Variants in SCAF1 observed in about 807,000 individuals in gnomAD.
SCAF1 encodes the protein SR-related CTD associated factor 1.
A neutral mutation model predicts 91.2 loss-of-function variants in SCAF1; 28 were observed. That is an observed-to-expected ratio of 0.31 (90% confidence interval 0.23 to 0.42). The LOEUF (loss-of-function observed/expected upper bound fraction) is 0.42, where lower values mean the gene tolerates loss of function less well. Ranked by LOEUF, SCAF1 falls within the 10% of genes least tolerant of loss-of-function variation. The pLI, the probability that SCAF1 is intolerant of heterozygous loss-of-function variation, is 1.00. For missense variants in SCAF1, 1,893 were observed against 1,872.1 expected (o/e 1.01, Z -0.21); for synonymous variants, 1,036 against 833.7 (o/e 1.24, Z -4.18).
In SCAF1 at chr19:49,652,584, A is replaced by G; in HGVS notation, c.2195A>G (p.Tyr732Cys). 1 of 1,569,556 alleles carries G rather than the reference A, an allele frequency of 6.4e-7. No individual in the cohort carries two copies. The highest frequency in any genetic ancestry group is 2.4e-5 in the East Asian group (1 of 42,282). Residue 732 changes from tyrosine (Y) to cysteine (C), a missense_variant, in exon 7 of 11, where the codon TAC (tyrosine) becomes TGC (cysteine). By Grantham distance (194) the Tyr-to-Cys change is radical (BLOSUM62 -2). Around this residue, in one of 5 missense-constraint regions of SCAF1, gnomAD observed 1,436 missense variants for 1,306.8 expected, o/e 1.10. Transcript: ENST00000360565. Reference protein sequence around the residue: ...PASSPKREVLYDSEGLSGEER... With the variant: ...PASSPKREVLCDSEGLSGEER... The stretch of plus-strand genomic sequence containing the variant: ...TCCTCACCTAAGCGGGAGGTCCTGT[A>G]CGACTCCGAGGGACTGAGCGGCGAG...
chr19:49,651,666 C>G lies in SCAF1; in HGVS notation c.1277C>G (p.Thr426Ser), dbSNP rs1040199396. The G allele has an allele frequency of 7.1e-7, 1 of 1,417,618 alleles. No homozygotes were observed. Among genetic ancestry groups the G allele is most frequent in the Non-Finnish European group, 9.1e-7 (1 of 1,095,920 alleles). 87.8% of individuals were successfully genotyped at this position (1,417,618 alleles called of 1,614,324 possible). The change falls in exon 7 of 11, where the codon ACC becomes AGC. Residue 426 changes from threonine to serine, a missense_variant. Around this residue, in one of 5 missense-constraint regions of SCAF1, gnomAD observed 1,436 missense variants for 1,306.8 expected, o/e 1.10. Coordinates refer to ENST00000360565, the MANE Select transcript of SCAF1 (RefSeq NM_021228.3). ...CGGCCTACACCGGCCGCCTCGGCCA[C>G]CCCCACGGCCCAGCCCCTTCCTCAG... is the stretch of plus-strand genomic sequence containing the variant. Reference protein sequence around the residue: ...AARPTPAASATPTAQPLPQPP... With the variant: ...AARPTPAASASPTAQPLPQPP...
chr19:49,657,614 G>A (rs911769403), intron 9 of SCAF1, 147 bp from the exon 10 acceptor site: 11 of 995,962 alleles, frequency 1.1e-5, no homozygotes, highest in Non-Finnish European at 1.4e-5. Context: ...GAGGGCGCAT[G>A]GGACAGACCC....
At position 49,652,288 on chromosome 19, in the gene SCAF1, A is replaced by G. The variant is rs918048262; in HGVS notation, c.1899A>G (p.Lys633=). ...SSSRRERHRG[K]HRDGGGSKKK... Reference sequence around the variant, plus strand: ...CGAGGCGCGAGCGGCACCGCGGGAAACACCGGGACGGTGGCGGCAGCAAGA... The same window carrying G: ...CGAGGCGCGAGCGGCACCGCGGGAAGCACCGGGACGGTGGCGGCAGCAAGA... Residue 633 remains lysine, a synonymous_variant, in exon 7 of 11, where the codon AAA becomes AAG. Transcript: ENST00000360565. The G allele has an allele frequency of 1.1e-5, 16 of 1,514,948 alleles. No homozygotes were observed. In the African/African-American group the frequency reaches 2.3e-4, roughly 21 times the overall value. The allele number at this position is 1,514,948 out of a possible 1,614,324, so 93.8% of individuals were successfully genotyped here. A position where few individuals can be genotyped will look rare whatever the true frequency, so the allele number is the denominator to read the frequency against.
rs1394759878 is a variant in SCAF1, at chr19:49,646,623, G to C, written c.359G>C (p.Gly120Ala). Reference protein sequence around the residue: ...WVPSRLDLRPGESEDMLELVA... With the variant: ...WVPSRLDLRPAESEDMLELVA... ...CCCAGCCGCCTGGACCTGCGGCCTGGCGAGTGAGTAGCTGGGCAGCTGGAG... is the reference window on the plus strand; with the variant it reads ...CCCAGCCGCCTGGACCTGCGGCCTGCCGAGTGAGTAGCTGGGCAGCTGGAG... The change falls in exon 5 of 11, where the codon GGC (glycine) becomes GCC (alanine). Residue 120 changes from glycine (G) to alanine (A), a missense_variant. Transcript: ENST00000360565. The surrounding 1 kb of genome is among the most constrained non-coding windows in gnomAD (Gnocchi z 5.6). 22 of 1,614,118 alleles carry C rather than the reference G, an allele frequency of 1.4e-5. No homozygotes were observed. Among genetic ancestry groups the C allele is most frequent in the Non-Finnish European group, 1.8e-5 (21 of 1,180,000 alleles).
Position 49,652,372 on chromosome 19 carries a change from G to GGCCCCGGCGCCC in SCAF1, c.1990_2001dup (p.Ala664_Pro667dup), listed in dbSNP as rs1287163993. 7.1e-6 allele frequency: 11 copies of GGCCCCGGCGCCC among 1,541,142 alleles called. No individual in the cohort carries two copies. Among genetic ancestry groups the GGCCCCGGCGCCC allele is most frequent in the Non-Finnish European group, 8.7e-6 (10 of 1,146,872 alleles). On this transcript the variant is annotated inframe_insertion, in exon 7 of 11. Coordinates refer to ENST00000360565, the MANE Select transcript of SCAF1 (RefSeq NM_021228.3). ...AGCGGTCTGGGGATGGCAGCGAGAA[G>GGCCCCGGCGCCC]GCCCCGGCGCCCGCCCCGCCGCCCT...
Position 49,653,815 on chromosome 19 carries a change from G to A in SCAF1, c.3316+110G>A, listed in dbSNP as rs1427502791. On this transcript the variant is annotated intron_variant, in intron 7 of 10. Coordinates refer to ENST00000360565, the MANE Select transcript of SCAF1 (RefSeq NM_021228.3). Reference sequence around the variant, plus strand: ...GCCCTGGCAGGGAGAGGTTTATAGGGACATAGACTGGGAGGGTGGGGGTGA... The same window carrying A: ...GCCCTGGCAGGGAGAGGTTTATAGGAACATAGACTGGGAGGGTGGGGGTGA... 6 of 1,088,370 alleles carry A rather than the reference G, an allele frequency of 5.5e-6. No individual in the cohort carries two copies. In the Admixed American group the frequency reaches 1.3e-4, roughly 24 times the overall value. 67.4% of individuals were successfully genotyped at this position (1,088,370 alleles called of 1,614,324 possible).
At chr19:49,654,036 G>C (rs1348855955) in intron 7 of SCAF1, among the ~76,000 whole-genome samples, 2 of 152,178 alleles carry the variant, frequency 1.3e-5, no homozygotes, top group African/African-American at 4.8e-5. Flanking sequence ...GCCTCTACCA[G>C]ACTGCAGAGG....
At position 49,645,319 on chromosome 19, in the gene SCAF1, G is replaced by A; in HGVS notation, c.109-35G>A. 1 of 1,612,158 alleles carries A rather than the reference G, an allele frequency of 6.2e-7. No homozygotes were observed. Among genetic ancestry groups the A allele is most frequent in the Non-Finnish European group, 8.5e-7 (1 of 1,178,428 alleles). ...CAGAGGTTGCAAAGCATCTGCCTGG[G>A]TCCTCTGACGCTTGGTTCTTCCCCC... On this transcript the variant is annotated intron_variant, in intron 2 of 10. Transcript: ENST00000360565. This position sits in a 1 kb window ranked among gnomAD's most constrained non-coding sequence, Gnocchi z 4.6.
In SCAF1 at chr19:49,654,394, G is replaced by C; in HGVS notation, c.3362G>C (p.Arg1121Pro). Residue 1121 changes from arginine (R) to proline (P), a missense_variant, in exon 8 of 11, where the codon CGA becomes CCA. By Grantham distance (103) the Arg-to-Pro change is moderately radical (BLOSUM62 -2). This residue lies in a region of SCAF1 where 1,436 missense variants were observed against 1,306.8 expected (regional missense o/e 1.10). Transcript: ENST00000360565. ...FKMEEANLAS[R>P]AKAQELIQAT... ...ATGGAAGAAGCCAACCTGGCGAGCC[G>C]AGCGAAGGCCCAGGAGCTGATCCAG... The C allele has an allele frequency of 6.2e-7, 1 of 1,613,540 alleles. No homozygotes were observed. Among genetic ancestry groups the C allele is most frequent in the Non-Finnish European group, 8.5e-7 (1 of 1,179,978 alleles).
rs772638086 is a variant in SCAF1, at chr19:49,652,658, GCCT to G, written c.2283_2285del (p.Ser763del). ...GAAGGATCGGCGCCGCTCGGGGGCC[GCCT>G]CCTCCTCCTCCTCTTCCCGGGAGAA... On this transcript the variant is annotated inframe_deletion, in exon 7 of 11. Coordinates refer to ENST00000360565, the MANE Select transcript of SCAF1 (RefSeq NM_021228.3). The G allele has an allele frequency of 2.3e-4, 353 of 1,556,994 alleles. 1 individual carries two copies. The highest frequency in any genetic ancestry group is 1.7e-3 in the South Asian group (146 of 85,054).
At chr19:49,641,024 C>T (rs938641665), upstream of SCAF1, among the ~76,000 whole-genome samples, 3 of 151,970 alleles carry the variant, frequency 2.0e-5, no homozygotes, top group Non-Finnish European at 4.4e-5. Flanking sequence ...AGGAGGGAGC[C>T]GGGGGCCTGG....
chr19:49,654,452 G>A (rs769922925), intron 8 of SCAF1, 21 bp downstream of exon 8: 1 of 1,607,222 alleles, frequency 6.2e-7, no homozygotes, highest in South Asian at 1.1e-5. Context: ...CTGGGGGAGA[G>A]TCCCTGCCGC....
intron 10 of SCAF1, among the ~76,000 whole-genome samples, 153 bp downstream of exon 10, chr19:49,658,042 C>T (rs547833755): frequency 6.6e-6 from 1 of 152,256 alleles, no homozygotes; most frequent in South Asian, 2.1e-4. Context: ...GCCACCTGGG[C>T]CTGTTCCGCT....
In SCAF1 at chr19:49,651,910, G is replaced by T. The variant is rs1456044825; in HGVS notation, c.1521G>T (p.Pro507=). Residue 507 remains proline, a synonymous_variant, in exon 7 of 11, where the codon CCG becomes CCT. Transcript: ENST00000360565. ...CCTCCCCGGCGCCCGCGCCCGCCCC[G>T]GCCGCCGCTGCTGGTCCGCCCACGC... ...RSPSPAPAPA[P]AAAAGPPTRK... The T allele has an allele frequency of 4.3e-6, 5 of 1,152,164 alleles. No individual in the cohort carries two copies. The African/African-American group carries it at 5.2e-5, about 12-fold the overall frequency. The allele number at this position is 1,152,164 out of a possible 1,614,324, so 71.4% of individuals were successfully genotyped here.
At position 49,642,227 on chromosome 19, in the gene SCAF1, C is replaced by T. The variant is rs2122439240; in HGVS notation, c.-22C>T. 6.6e-6 allele frequency: 1 copy of T among 152,306 alleles called. No individual in the cohort carries two copies. The highest frequency in any genetic ancestry group is 2.1e-4 in the South Asian group (1 of 4,834). 9.4% of individuals were successfully genotyped at this position (152,306 alleles called of 1,614,324 possible). A position where few individuals can be genotyped will look rare whatever the true frequency, so the allele number is the denominator to read the frequency against. ...CCGCCCCGCGCCGGGGCCGGAGCCGCAGCCCGAGCGGCGGGGTAAGATGGC... is the reference window on the plus strand; with the variant it reads ...CCGCCCCGCGCCGGGGCCGGAGCCGTAGCCCGAGCGGCGGGGTAAGATGGC... On this transcript the variant is annotated 5_prime_UTR_variant, in exon 1 of 11. Coordinates refer to ENST00000360565, the MANE Select transcript of SCAF1 (RefSeq NM_021228.3). This position sits in a 1 kb window ranked among gnomAD's most constrained non-coding sequence, Gnocchi z 4.0.
At position 49,646,125 on chromosome 19, in the gene SCAF1, G is replaced by A. The variant is rs758881969; in HGVS notation, c.184G>A (p.Gly62Ser). ...CTCACCAGATGGCTCTCGGTGTCAT[G>A]GCCTTCGATGGCGGCGCTGCCGGAG... Reference protein sequence around the residue: ...PNDKDGSRCHGLRWRRCRSPR... With the variant: ...PNDKDGSRCHSLRWRRCRSPR... Residue 62 changes from glycine (G) to serine (S), a missense_variant, in exon 4 of 11, where the codon GGC (glycine) becomes AGC (serine). By Grantham distance (56) the Gly-to-Ser change is moderately conservative. Transcript: ENST00000360565. The surrounding 1 kb of genome is among the most constrained non-coding windows in gnomAD (Gnocchi z 5.6). 9.3e-6 allele frequency: 15 copies of A among 1,611,646 alleles called. No individual in the cohort carries two copies. The highest frequency in any genetic ancestry group is 1.3e-5 in the Non-Finnish European group (15 of 1,179,872).
At position 49,651,870 on chromosome 19, in the gene SCAF1, A is replaced by G. The variant is rs951981183; in HGVS notation, c.1481A>G (p.Tyr494Cys). The G allele has an allele frequency of 2.4e-6, 3 of 1,227,594 alleles. No individual in the cohort carries two copies. The highest frequency in any genetic ancestry group is 3.0e-6 in the Non-Finnish European group (3 of 983,672). The allele number at this position is 1,227,594 out of a possible 1,614,324, so 76.0% of individuals were successfully genotyped here. A position where few individuals can be genotyped will look rare whatever the true frequency, so the allele number is the denominator to read the frequency against. ...RKILTQRRERYRQRSPSPAPA... is the reference protein window; with the variant it reads ...RKILTQRRERCRQRSPSPAPA... ...ATCCTGACCCAACGGCGGGAGCGCT[A>G]CCGCCAGCGCTCGCCCTCCCCGGCG... Residue 494 changes from tyrosine (Y) to cysteine (C), a missense_variant, in exon 7 of 11, where the codon TAC becomes TGC. This residue lies in a region of SCAF1 where 1,436 missense variants were observed against 1,306.8 expected (regional missense o/e 1.10). Transcript: ENST00000360565.
chr19:49,655,459 A>T (rs1248923437), intron 9 of SCAF1, among the ~76,000 whole-genome samples: 1 of 152,102 alleles, frequency 6.6e-6, no homozygotes, highest in Non-Finnish European at 1.5e-5. Context: ...CTCCGCCTCC[A>T]GGGTTCAAGT....
chr19:49,652,775 C>T lies in SCAF1; in HGVS notation c.2386C>T (p.Arg796Trp), dbSNP rs753735532. 14 of 1,612,914 alleles carry T rather than the reference C, an allele frequency of 8.7e-6. No homozygotes were observed. The highest frequency in any genetic ancestry group is 4.5e-5 in the East Asian group (2 of 44,856). Residue 796 changes from arginine (R) to tryptophan (W), a missense_variant, in exon 7 of 11, where the codon CGG becomes TGG. Physicochemically the swap from Arg to Trp is moderately radical, Grantham distance 101. Coordinates refer to ENST00000360565, the MANE Select transcript of SCAF1 (RefSeq NM_021228.3). ...RDRDRSSKKARPPKESAPSSG... is the reference protein window; with the variant it reads ...RDRDRSSKKAWPPKESAPSSG... ...CAGGGACAGGTCATCCAAGAAGGCC[C>T]GGCCCCCCAAGGAGTCGGCGCCTTC...
Sources: gnomAD v4.1 joint callset for allele counts (sites outside exome capture counted in the v4.1 genomes callset) on GRCh38, gnomAD v4.1.1 for gene constraint, gnomAD v4.1.1 regional missense constraint, Gnocchi (gnomAD v3.1) non-coding constraint, MANE v1.5 for transcripts, NCBI Gene and HGNC (gene_info 2026-07-23, HGNC 2026-07-21) for gene names.